LRP2: variants seen among roughly 807,000 people sequenced by gnomAD.
The protein encoded by LRP2 is LDL receptor related protein 2, also known as low-density lipoprotein receptor-related protein 2.
LRP2 carries 172 observed loss-of-function variants against 531.0 expected under a neutral mutation model. The observed-to-expected ratio is 0.32, with a 90% CI of 0.29 to 0.37. LRP2 has a LOEUF of 0.37. Among genes scored for constraint, LRP2 ranks in the 10% least tolerant of loss-of-function variants. The pLI is 1.00. For missense variants in LRP2, 5,167 were observed against 5,868.3 expected (o/e 0.88, Z 3.90); for synonymous variants, 1,992 against 2,027.6 (o/e 0.98, Z 0.47).
In LRP2 at chr2:169,173,077, C is replaced by T. The variant is rs763696539; in HGVS notation, c.11143+19G>A. On this transcript the variant is annotated intron_variant, in intron 57 of 78. Transcript: ENST00000649046. The stretch of plus-strand genomic sequence containing the variant: ...GCACTTTCTTGTCCCTCCCTCCACT[C>T]CCCTGTGGCCCCTCCTACCACAGCC... 2 of 1,614,112 alleles carry T rather than the reference C, an allele frequency of 1.2e-6. No homozygotes were observed. Among genetic ancestry groups the T allele is most frequent in the South Asian group, 2.2e-5 (2 of 91,084 alleles).
In LRP2 at chr2:169,194,716, CT is replaced by C. The variant is rs869249150; in HGVS notation, c.8699-825del. ...TGAAAAGTGTGTACATTGATCCAGA[CT>C]TTTTTTTTTTTTTTTTTTTTTGGAG... is the stretch of plus-strand genomic sequence containing the variant. On this transcript the variant is annotated intron_variant, in intron 46 of 78. Coordinates refer to ENST00000649046, the MANE Select transcript of LRP2 (RefSeq NM_004525.3). Among the ~76,000 whole-genome samples, 116 of 103,026 alleles carry C rather than the reference CT, an allele frequency of 1.1e-3. 1 individual carries two copies. Among genetic ancestry groups the C allele is most frequent in the East Asian group, 4.1e-3 (13 of 3,146 alleles). 67.6% of individuals were successfully genotyped at this position (103,026 alleles called of 152,430 possible).
chr2:169,300,192 C>T (rs1211702338), intron 4 of LRP2, among the ~76,000 whole-genome samples: 1 of 152,064 alleles, frequency 6.6e-6, no homozygotes. Context: ...TCCCATTTCT[C>T]ATGGAACAGA....
chr2:169,314,165 G>T (rs976523431), intron 3 of LRP2, among the ~76,000 whole-genome samples: 1 of 152,104 alleles, frequency 6.6e-6, no homozygotes, highest in African/African-American at 2.4e-5. Flanking sequence ...GGGAGATTGA[G>T]GCAAGAAGAT....
At chr2:169,201,460 G>A (rs372076047) in intron 44 of LRP2, among the ~76,000 whole-genome samples, 168 bp downstream of exon 44, 2 of 152,146 alleles carry the variant, frequency 1.3e-5, no homozygotes, top group Admixed American at 6.5e-5. Flanking sequence ...AATGAAACAA[G>A]ATTGGTATTT....
intron 42 of LRP2, 86 bp downstream of exon 42, chr2:169,203,896 T>C: frequency 6.9e-7 from 1 of 1,445,064 alleles, no homozygotes; most frequent in Non-Finnish European, 9.7e-7. Context: ...TTGAATTTTT[T>C]CTCCTGTGAG....
At chr2:169,326,147 TCTCCCTCTCCCTCTCCCTCTCCCTC>T (rs1685045115) in intron 1 of LRP2, among the ~76,000 whole-genome samples, 1 of 64,266 alleles carries the variant, frequency 1.6e-5, no homozygotes, top group Non-Finnish European at 3.1e-5. Context: ...TCCCTCTCCC[TCTCCCTCTCCCTCTCCCTCTCCCTC>T]CCCCTCTCCC....
Position 169,176,307 on chromosome 2 carries a change from C to T in LRP2, c.10571+104G>A, listed in dbSNP as rs1282949707. 3 of 1,370,308 alleles carry T rather than the reference C, an allele frequency of 2.2e-6. No homozygotes were observed. In the East Asian group the frequency reaches 7.1e-5, roughly 32 times the overall value. The allele number at this position is 1,370,308 out of a possible 1,614,324, so 84.9% of individuals were successfully genotyped here. On this transcript the variant is annotated intron_variant, in intron 54 of 78. Coordinates refer to ENST00000649046, the MANE Select transcript of LRP2 (RefSeq NM_004525.3). Reference sequence around the variant, plus strand: ...TTCCACATGAACCAAGTTAATTAACCAAAATCTTGTCTCACTAGAAAACTC... The same window carrying T: ...TTCCACATGAACCAAGTTAATTAACTAAAATCTTGTCTCACTAGAAAACTC...
chr2:169,136,360 G>A (rs1685510151), intron 76 of LRP2, among the ~76,000 whole-genome samples: 1 of 151,050 alleles, frequency 6.6e-6, no homozygotes, highest in African/African-American at 2.4e-5. Flanking sequence ...ACTATTTTAT[G>A]TTATTTTTCT....
In LRP2 at chr2:169,176,506, C is replaced by T. The variant is rs1279142828; in HGVS notation, c.10476G>A (p.Glu3492=). 1.2e-6 allele frequency: 2 copies of T among 1,614,220 alleles called. No homozygotes were observed. The highest frequency in any genetic ancestry group is 2.2e-5 in the South Asian group (2 of 91,084). ...GAAGGGTGCGGAAGTCATCTGGACA[C>T]TCGCAAGTGAACCCTTTTCCTCCTG... The part of the protein sequence containing the change: ...IKPGGKGFTC[E]CPDDFRTLQL... The change falls in exon 54 of 79, where the codon GAG becomes GAA. Residue 3492 remains glutamate (E), a synonymous_variant. Transcript: ENST00000649046.
intron 8 of LRP2, 21 bp downstream of exon 8, chr2:169,290,824 C>G (rs779241570): frequency 1.6e-5 from 25 of 1,612,500 alleles, no homozygotes; most frequent in Non-Finnish European, 2.1e-5. Flanking sequence ...GAAAGCTACC[C>G]AGGTAAATGT....
intron 30 of LRP2, 45 bp downstream of exon 30, chr2:169,233,366 T>C: frequency 6.2e-7 from 1 of 1,607,646 alleles, no homozygotes; most frequent in Non-Finnish European, 8.5e-7. Context: ...AGGGTCAGTG[T>C]TTTTCAAGCT....
intron 1 of LRP2, among the ~76,000 whole-genome samples, chr2:169,348,283 T>C (rs1559086559): frequency 6.6e-6 from 1 of 152,156 alleles, no homozygotes; most frequent in Non-Finnish European, 1.5e-5. Flanking sequence ...TCCAACCTAT[T>C]TGTTACGTAT....
chr2:169,340,324 C>T (rs1347313037), intron 1 of LRP2, among the ~76,000 whole-genome samples: 1 of 152,068 alleles, frequency 6.6e-6, no homozygotes, highest in Non-Finnish European at 1.5e-5. Context: ...GCAGTGTCAC[C>T]CGACCAGCTT....
At chr2:169,291,771 C>T (rs1016155974) in intron 7 of LRP2, among the ~76,000 whole-genome samples, 15 of 152,270 alleles carry the variant, frequency 9.9e-5, no homozygotes, top group African/African-American at 3.4e-4. Flanking sequence ...GTGTCAGTGA[C>T]TCATTTGGGA....
intron 9 of LRP2, 43 bp from the exon 10 acceptor site, chr2:169,283,044 A>T: frequency 6.2e-7 from 1 of 1,609,148 alleles, no homozygotes; most frequent in Non-Finnish European, 8.5e-7. Flanking sequence ...GGTTATCAGC[A>T]TTTATTAAGC....
At chr2:169,276,482 G>A (rs949688989) in intron 13 of LRP2, among the ~76,000 whole-genome samples, 22 of 151,992 alleles carry the variant, frequency 1.4e-4, no homozygotes, top group African/African-American at 5.3e-4. Flanking sequence ...ATTATTTTAT[G>A]TGACTTATTG....
intron 34 of LRP2, among the ~76,000 whole-genome samples, chr2:169,219,148 C>T (rs1254440357): frequency 6.6e-6 from 1 of 152,114 alleles, no homozygotes; most frequent in Non-Finnish European, 1.5e-5. Context: ...TAACTGAAAA[C>T]TAGTACAAGC....
At position 169,212,021 on chromosome 2, in the gene LRP2, A is replaced by C; in HGVS notation, c.6227T>G (p.Phe2076Cys). 1 of 1,614,014 alleles carries C rather than the reference A, an allele frequency of 6.2e-7. No homozygotes were observed. Among genetic ancestry groups the C allele is most frequent in the Non-Finnish European group, 8.5e-7 (1 of 1,179,914 alleles). Residue 2076 changes from phenylalanine (F) to cysteine (C), a missense_variant, in exon 37 of 79, where the codon TTT (phenylalanine) becomes TGT (cysteine). By Grantham distance (205) the Phe-to-Cys change is radical (BLOSUM62 -2). Transcript: ENST00000649046. The stretch of plus-strand genomic sequence containing the variant: ...TGAATGATCTGACAATTCCAAGCTA[A>C]AGCCTCTGATTGCAGACAGCATTGA... ...VVSMLSAIRG[F>C]SLELSDHSET...
chr2:169,200,207 C>T (rs530927082), intron 44 of LRP2, among the ~76,000 whole-genome samples: 105 of 152,216 alleles, frequency 6.9e-4, no homozygotes, highest in South Asian at 5.2e-3. Flanking sequence ...GCTGAGATCG[C>T]GTCACTGCAC....
Sources: gnomAD v4.1 joint callset for allele counts (sites outside exome capture counted in the v4.1 genomes callset) on GRCh38, gnomAD v4.1.1 for gene constraint, MANE v1.5 for transcripts, NCBI Gene and HGNC (gene_info 2026-07-23, HGNC 2026-07-21) for gene names.